CTNNA2: variants seen among roughly 807,000 people sequenced by gnomAD.
The protein encoded by CTNNA2 is catenin alpha 2.
A neutral mutation model predicts 101.0 loss-of-function variants in CTNNA2; 42 were observed. That is an observed-to-expected ratio of 0.42 (90% CI 0.32 to 0.54). CTNNA2 has a LOEUF of 0.54. Among genes scored for constraint, CTNNA2 ranks in the 20% least tolerant of loss-of-function variants. The pLI is 0.14. For missense variants in CTNNA2, 871 were observed against 1,223.1 expected (o/e 0.71, Z 4.29); for synonymous variants, 450 against 456.4 (o/e 0.99, Z 0.18).
intron 7 of CTNNA2, among the ~76,000 whole-genome samples, chr2:80,045,135 A>AG (rs1434628458): frequency 6.6e-6 from 1 of 152,030 alleles, no homozygotes; most frequent in Non-Finnish European, 1.5e-5. Flanking sequence ...GAATGTCCCA[A>AG]GGGGGCCAGG....
chr2:79,640,705 C>T (rs2104416030), intron 1 of CTNNA2, among the ~76,000 whole-genome samples: 1 of 152,192 alleles, frequency 6.6e-6, no homozygotes, highest in South Asian at 2.1e-4. Flanking sequence ...AGAATTGATA[C>T]TTGAAAAGTA....
intron 4 of CTNNA2, among the ~76,000 whole-genome samples, chr2:79,420,047 G>GTT (rs1678524686): frequency 6.6e-6 from 1 of 151,974 alleles, no homozygotes; most frequent in Non-Finnish European, 1.5e-5. Context: ...CCCTCACTTT[G>GTT]TTTTATCCTC....
At chr2:79,272,325 C>T (rs114095327) in intron 2 of CTNNA2, among the ~76,000 whole-genome samples, 2,398 of 151,650 alleles carry the variant, frequency 0.016, 47 homozygotes, top group East Asian at 0.061. Flanking sequence ...GTTTATGTGC[C>T]CATAACAGAT....
chr2:80,072,542 G>A (rs1698411391), intron 7 of CTNNA2, among the ~76,000 whole-genome samples: 1 of 152,156 alleles, frequency 6.6e-6, no homozygotes, highest in Non-Finnish European at 1.5e-5. Flanking sequence ...CATGCTTACT[G>A]TAAATACATA....
intron 2 of CTNNA2, among the ~76,000 whole-genome samples, chr2:79,292,401 A>G (rs181904398): frequency 3.4e-4 from 52 of 152,290 alleles, no homozygotes; most frequent in African/African-American, 1.2e-3. Context: ...GCTTTCTTTA[A>G]CTGGCTGATT....
chr2:79,471,460 C>T (rs1169661121), intron 4 of CTNNA2, among the ~76,000 whole-genome samples: 1 of 152,134 alleles, frequency 6.6e-6, no homozygotes, highest in Non-Finnish European at 1.5e-5. Context: ...GCTCTCATGG[C>T]TCCCTTAATA....
At chr2:80,015,000 A>G (rs1393622714) in intron 7 of CTNNA2, among the ~76,000 whole-genome samples, 1 of 152,208 alleles carries the variant, frequency 6.6e-6, no homozygotes, top group Non-Finnish European at 1.5e-5. Context: ...AGAATATTCC[A>G]CCATCCTCAG....
At chr2:80,041,496 A>G (rs1696052876) in intron 7 of CTNNA2, among the ~76,000 whole-genome samples, 1 of 152,196 alleles carries the variant, frequency 6.6e-6, no homozygotes, top group Admixed American at 6.5e-5. Context: ...CTGCATTATG[A>G]TAATGCAGCT....
chr2:79,529,145 G>A (rs984544753), intron 1 of CTNNA2, among the ~76,000 whole-genome samples: 2 of 152,152 alleles, frequency 1.3e-5, no homozygotes, highest in East Asian at 1.9e-4. Context: ...GAATGTCAGT[G>A]TAAATTTAAG....
At chr2:79,366,177 GAAACAAAC>G (rs1677746594) in intron 3 of CTNNA2, among the ~76,000 whole-genome samples, 1 of 152,164 alleles carries the variant, frequency 6.6e-6, no homozygotes, top group Non-Finnish European at 1.5e-5. Context: ...CTTTGATAAT[GAAACAAAC>G]ATTTAGCTTA....
chr2:79,752,128 C>T (rs1038677485), intron 3 of CTNNA2, among the ~76,000 whole-genome samples: 14 of 151,810 alleles, frequency 9.2e-5, no homozygotes, highest in Admixed American at 2.0e-4. Context: ...AGGACAATGC[C>T]ATGGTGAAAT....
At chr2:80,503,173 A>G (rs1688008749) in intron 9 of CTNNA2, among the ~76,000 whole-genome samples, 1 of 151,794 alleles carries the variant, frequency 6.6e-6, no homozygotes, top group Non-Finnish European at 1.5e-5. Flanking sequence ...ACCTGTCTCA[A>G]AAAAAAAACC....
chr2:80,345,208 C>T (rs1672626335), intron 7 of CTNNA2, among the ~76,000 whole-genome samples: 1 of 152,134 alleles, frequency 6.6e-6, no homozygotes, highest in African/African-American at 2.4e-5. Flanking sequence ...TCTGTGGCCC[C>T]CTCCCCCTTA....
rs891272267 is a variant in CTNNA2, at chr2:80,542,216, TGTA to T, written c.1291-2763_1291-2761del. On this transcript the variant is annotated intron_variant, in intron 9 of 18. Coordinates refer to ENST00000402739, the MANE Select transcript of CTNNA2 (RefSeq NM_001282597.3). ...TAAATTTCCTTGATGGTTTCATAAATGTAGTCTTATTTACTTATTTATTTACAT... is the reference window on the plus strand; with the variant it reads ...TAAATTTCCTTGATGGTTTCATAAATGTCTTATTTACTTATTTATTTACAT... Among the ~76,000 whole-genome samples, 56 of 151,276 alleles carry T rather than the reference TGTA, an allele frequency of 3.7e-4. 1 individual carries two copies. Among genetic ancestry groups the T allele is most frequent in the East Asian group, 1.9e-4 (1 of 5,152 alleles).
At chr2:79,328,336 TAAG>T (rs752821199) in intron 3 of CTNNA2, among the ~76,000 whole-genome samples, 18 of 152,012 alleles carry the variant, frequency 1.2e-4, no homozygotes, top group Non-Finnish European at 2.2e-4. Flanking sequence ...TACAGAAGCA[TAAG>T]AAGGAGTTTG....
chr2:79,233,613 C>A (rs1056708331), intron 2 of CTNNA2, among the ~76,000 whole-genome samples: 1 of 152,106 alleles, frequency 6.6e-6, no homozygotes, highest in Non-Finnish European at 1.5e-5. Flanking sequence ...GTTTTAGTTT[C>A]CTGCCTCAAT....
intron 4 of CTNNA2, among the ~76,000 whole-genome samples, chr2:79,493,224 A>AAGGGG (rs1671221736): frequency 6.6e-6 from 1 of 151,940 alleles, no homozygotes; most frequent in African/African-American, 2.4e-5. Context: ...AACAGGAGGG[A>AAGGGG]AGGGGAGGGG....
At chr2:79,699,780 GA>G (rs1438697580) in intron 2 of CTNNA2, among the ~76,000 whole-genome samples, 2 of 97,572 alleles carry the variant, frequency 2.0e-5, no homozygotes, top group Non-Finnish European at 4.1e-5. Context: ...AGTCCAAAAA[GA>G]AAAAAATACA....
At chr2:79,915,900 G>T (rs1416292709) in intron 7 of CTNNA2, among the ~76,000 whole-genome samples, 6 of 152,272 alleles carry the variant, frequency 3.9e-5, no homozygotes, top group African/African-American at 1.2e-4. Context: ...CCCAGAGAAA[G>T]ATCGAAACCT....
Sources: allele counts gnomAD v4.1 joint callset (sites outside exome capture counted in the v4.1 genomes callset), GRCh38; gene constraint gnomAD v4.1.1; transcripts MANE v1.5; gene names NCBI Gene and HGNC (gene_info 2026-07-23, HGNC 2026-07-21).